Variants in ZMYND8 observed in about 807,000 individuals in gnomAD.
ZMYND8 encodes the protein zinc finger MYND-type containing 8.
In ZMYND8, 37 loss-of-function variants were observed where a neutral mutation model predicts 140.8. That is an observed-to-expected ratio of 0.26 (90% confidence interval 0.20 to 0.35). The LOEUF is 0.35. ZMYND8 is among the 10% of genes least tolerant of loss of function. The pLI, the probability that ZMYND8 is intolerant of heterozygous loss-of-function variation, is 1.00. For missense variants in ZMYND8, 1,068 were observed against 1,570.0 expected (o/e 0.68, Z 5.40); for synonymous variants, 592 against 597.1 (o/e 0.99, Z 0.12).
chr20:47,303,185 G>A (rs958368975), intron 3 of ZMYND8, among the ~76,000 whole-genome samples: 1 of 152,132 alleles, frequency 6.6e-6, no homozygotes, highest in Admixed American at 6.6e-5. Context: ...AAGAGGAGAT[G>A]GGTGAGGAGC....
intron 12 of ZMYND8, 23 bp downstream of exon 12, chr20:47,262,265 T>A: frequency 6.2e-7 from 1 of 1,614,088 alleles, no homozygotes; most frequent in Non-Finnish European, 8.5e-7. Context: ...CACAGAAAGA[T>A]ACTGGCAAAA....
intron 8 of ZMYND8, among the ~76,000 whole-genome samples, chr20:47,285,091 A>T (rs543490543): frequency 4.0e-5 from 6 of 149,700 alleles, no homozygotes; most frequent in African/African-American, 1.5e-4. Flanking sequence ...TCATGAGATT[A>T]AAAAAAAAAT....
intron 2 of ZMYND8, among the ~76,000 whole-genome samples, chr20:47,314,852 G>C (rs1206274800): frequency 6.6e-6 from 1 of 152,194 alleles, no homozygotes; most frequent in Non-Finnish European, 1.5e-5. Context: ...ACCTCTCAGG[G>C]CCTCAGGGCC....
chr20:47,304,251 G>T lies in ZMYND8; in HGVS notation c.235-5304C>A, dbSNP rs769217691. The stretch of plus-strand genomic sequence containing the variant: ...CCATAGGCTGGCTAACAAGAAAGTA[G>T]AAAAGGCCCTGTCTATTTGCTTCTG... On this transcript the variant is annotated intron_variant, in intron 3 of 22. Transcript: ENST00000471951. Among the ~76,000 whole-genome samples the T allele has an allele frequency of 2.7e-4, 41 of 152,180 alleles. 1 individual carries two copies. The highest frequency in any genetic ancestry group is 5.6e-4 in the Non-Finnish European group (38 of 68,030).
At position 47,262,413 on chromosome 20, in the gene ZMYND8, G is replaced by C; in HGVS notation, c.1496C>G (p.Thr499Ser). The change falls in exon 12 of 23, where the codon ACC (threonine) becomes AGC (serine). Residue 499 changes from threonine (T) to serine (S), a missense_variant. Thr to Ser is a moderately conservative substitution (Grantham distance 58, BLOSUM62 1). Around this residue, in one of 10 missense-constraint regions of ZMYND8, gnomAD observed 173 missense variants for 223.3 expected, o/e 0.77. Coordinates refer to ENST00000471951, the MANE Select transcript of ZMYND8 (RefSeq NM_001281775.3). Reference sequence around the variant, plus strand: ...TAAACTCCCTGCTTGTCCCGTCTTGGTGGAGGCTGGTGAAGCTGAAAAAGT... The same window carrying C: ...TAAACTCCCTGCTTGTCCCGTCTTGCTGGAGGCTGGTGAAGCTGAAAAAGT... ...LDKSTASPASTKTGQAGSLSG... is the reference protein window; with the variant it reads ...LDKSTASPASSKTGQAGSLSG... 1 of 1,614,132 alleles carries C rather than the reference G, an allele frequency of 6.2e-7. No homozygotes were observed. Among genetic ancestry groups the C allele is most frequent in the Non-Finnish European group, 8.5e-7 (1 of 1,180,028 alleles).
At chr20:47,331,696 G>A (rs1409675127) in intron 2 of ZMYND8, among the ~76,000 whole-genome samples, 3 of 152,162 alleles carry the variant, frequency 2.0e-5, no homozygotes, top group African/African-American at 4.8e-5. Flanking sequence ...TCAGCACTGC[G>A]GTGGCAAAGA....
rs79412349 is a variant in ZMYND8, at chr20:47,329,181, G to A, written c.85+18675C>T. Among the ~76,000 whole-genome samples, 1,130 of 152,296 alleles carry A rather than the reference G, an allele frequency of 7.4e-3. 4 individuals are homozygous for A. The highest frequency in any genetic ancestry group is 0.012 in the Non-Finnish European group (804 of 68,016). ...CATGTTCAGTGCTGTGTCCCCTGGCGACATAGCTTCACCTACAGCATTCAG... is the reference window on the plus strand; with the variant it reads ...CATGTTCAGTGCTGTGTCCCCTGGCAACATAGCTTCACCTACAGCATTCAG... On this transcript the variant is annotated intron_variant, in intron 2 of 22. Coordinates refer to ENST00000471951, the MANE Select transcript of ZMYND8 (RefSeq NM_001281775.3).
At position 47,313,405 on chromosome 20, in the gene ZMYND8, A is replaced by G. The variant is rs1351882551; in HGVS notation, c.86-3201T>C. ...TGGGAGGCCAAGGCGGGCGGATTACAAAGTCAGGAGATCGAGACCATCCTG... is the reference window on the plus strand; with the variant it reads ...TGGGAGGCCAAGGCGGGCGGATTACGAAGTCAGGAGATCGAGACCATCCTG... On this transcript the variant is annotated intron_variant, in intron 2 of 22. Coordinates refer to ENST00000471951, the MANE Select transcript of ZMYND8 (RefSeq NM_001281775.3). 1.7e-3 allele frequency among the ~76,000 whole-genome samples: 260 copies of G among 150,856 alleles called. 1 individual carries two copies. The highest frequency in any genetic ancestry group is 2.6e-3 in the African/African-American group (105 of 41,014).
intron 3 of ZMYND8, among the ~76,000 whole-genome samples, chr20:47,309,422 C>T (rs767628019): frequency 8.5e-5 from 13 of 152,132 alleles, no homozygotes; most frequent in Non-Finnish European, 1.5e-4. Context: ...TCTCCTGCCT[C>T]GGCCTCCCGA....
At chr20:47,247,820 A>T (rs2040750674) in intron 13 of ZMYND8, among the ~76,000 whole-genome samples, 1 of 152,122 alleles carries the variant, frequency 6.6e-6, no homozygotes, top group South Asian at 2.1e-4. Context: ...TCAATCAAAA[A>T]CACAAGTCGA....
At chr20:47,282,782 CCATT>C (rs971305413) in intron 9 of ZMYND8, among the ~76,000 whole-genome samples, 6 of 151,670 alleles carry the variant, frequency 4.0e-5, no homozygotes, top group Non-Finnish European at 5.9e-5. Context: ...TCTAGCTGTA[CCATT>C]ATTATCTGGG....
chr20:47,232,958 G>A (rs1182220856), intron 16 of ZMYND8, among the ~76,000 whole-genome samples: 2 of 149,362 alleles, frequency 1.3e-5, no homozygotes, highest in South Asian at 4.2e-4. Context: ...CCAGGCTGGA[G>A]TGAAGTGGCG....
chr20:47,290,641 G>A (rs1359855576), intron 6 of ZMYND8, among the ~76,000 whole-genome samples: 1 of 137,942 alleles, frequency 7.2e-6, no homozygotes, highest in Non-Finnish European at 1.5e-5. Flanking sequence ...GCCCAGGTTG[G>A]AGTGCAATGG....
chr20:47,262,049 C>T (rs1302853023), intron 12 of ZMYND8, among the ~76,000 whole-genome samples: 1 of 151,470 alleles, frequency 6.6e-6, no homozygotes, highest in Non-Finnish European at 1.5e-5. Flanking sequence ...CCAGCCTGGG[C>T]AACAAGAGCG....
At chr20:47,224,622 G>A in intron 18 of ZMYND8, 66 bp from the exon 19 acceptor site, 1 of 1,594,738 alleles carries the variant, frequency 6.3e-7, no homozygotes, top group East Asian at 2.2e-5. Flanking sequence ...GGTTATTCCT[G>A]CCCCCAGATT....
rs778196385 is a variant in ZMYND8, at chr20:47,283,602, T to C, written c.851A>G (p.Gln284Arg). 3 of 1,614,174 alleles carry C rather than the reference T, an allele frequency of 1.9e-6. No homozygotes were observed. The highest frequency in any genetic ancestry group is 2.5e-6 in the Non-Finnish European group (3 of 1,180,006). ...VCPECYLAAC[Q>R]KRDNWFCEPC... is the part of the protein sequence containing the mutation. ...CTCACAAAACCAGTTATCTCGTTTT[T>C]GGCAAGCAGCTAGATAACATTCTGG... Residue 284 changes from glutamine (Q) to arginine (R), a missense_variant, in exon 9 of 23, where the codon CAA becomes CGA. This residue lies in a region of ZMYND8 where 109 missense variants were observed against 314.9 expected (regional missense o/e 0.35). Coordinates refer to ENST00000471951, the MANE Select transcript of ZMYND8 (RefSeq NM_001281775.3).
At chr20:47,300,780 T>G (rs1410516020) in intron 3 of ZMYND8, among the ~76,000 whole-genome samples, 1 of 152,096 alleles carries the variant, frequency 6.6e-6, no homozygotes, top group Non-Finnish European at 1.5e-5. Context: ...AGTGGCAAGA[T>G]CTCACCTCAC....
intron 2 of ZMYND8, among the ~76,000 whole-genome samples, chr20:47,336,722 A>G (rs1397113689): frequency 2.0e-5 from 3 of 152,130 alleles, no homozygotes; most frequent in Non-Finnish European, 4.4e-5. Context: ...GGGTTCACGC[A>G]TGATCTTTAG....
Position 47,238,941 on chromosome 20 carries a change from T to C in ZMYND8, c.2482A>G (p.Lys828Glu). The C allele has an allele frequency of 6.2e-7, 1 of 1,613,914 alleles. No homozygotes were observed. Reference sequence around the variant, plus strand: ...CGCTGCACGGCCGGGGCAGTCTCCTTCGGTAAAAGCGGCCTCTGCTTTTTC... The same window carrying C: ...CGCTGCACGGCCGGGGCAGTCTCCTCCGGTAAAAGCGGCCTCTGCTTTTTC... ...PVKKQRPLLP[K>E]ETAPAVQRVV... The change falls in exon 15 of 23, where the codon AAG becomes GAG. Residue 828 changes from lysine (K) to glutamate (E), a missense_variant. This residue lies in a region of ZMYND8 where 383 missense variants were observed against 431.2 expected (regional missense o/e 0.89). Coordinates refer to ENST00000471951, the MANE Select transcript of ZMYND8 (RefSeq NM_001281775.3).
Sources: allele counts gnomAD v4.1 joint callset (sites outside exome capture counted in the v4.1 genomes callset), GRCh38; gene constraint gnomAD v4.1.1; regional missense constraint gnomAD v4.1.1; transcripts MANE v1.5; gene names NCBI Gene and HGNC (gene_info 2026-07-23, HGNC 2026-07-21).